Variants in DKK2 observed in about 807,000 individuals in gnomAD.
DKK2 encodes dickkopf Wnt signaling pathway inhibitor 2.
Under a neutral mutation model 28.1 loss-of-function variants are expected in DKK2, and 11 were observed. The ratio of observed to expected loss-of-function variants is 0.39; its 90% CI spans 0.25 to 0.65. The LOEUF (loss-of-function observed/expected upper bound fraction) is 0.65. DKK2 is among the 30% of genes least tolerant of loss of function. The probability of loss-of-function intolerance (pLI) is 0.47; values close to 1 mark genes in which losing one functional copy is unlikely to be tolerated. For missense variants in DKK2, 326 were observed against 335.5 expected (o/e 0.97, Z 0.22); for synonymous variants, 135 against 126.5 (o/e 1.07, Z -0.45).
intron 2 of DKK2, 103 bp from the exon 3 acceptor site, chr4:106,924,803 G>A: frequency 1.8e-6 from 2 of 1,141,804 alleles, no homozygotes; most frequent in East Asian, 2.5e-5. Flanking sequence ...TTATCTATCT[G>A]TGTATCTATC....
intron 1 of DKK2, among the ~76,000 whole-genome samples, chr4:106,940,155 C>G (rs1440510595): frequency 6.6e-6 from 1 of 152,136 alleles, no homozygotes; most frequent in African/African-American, 2.4e-5. Flanking sequence ...AAGAAACTAC[C>G]ATCAGAGTGA....
intron 1 of DKK2, among the ~76,000 whole-genome samples, chr4:106,953,254 T>G (rs941093137): frequency 2.0e-5 from 3 of 152,184 alleles, no homozygotes; most frequent in Non-Finnish European, 4.4e-5. Flanking sequence ...GCAACCAGCA[T>G]TGAGTGCTGG....
At position 106,964,111 on chromosome 4, in the gene DKK2, C is replaced by T. The variant is rs375235833; in HGVS notation, c.223-38162G>A. On this transcript the variant is annotated intron_variant, in intron 1 of 3. Coordinates refer to ENST00000285311, the MANE Select transcript of DKK2 (RefSeq NM_014421.3). ...AAGTCAGGTAATGTGATGCCTCCAG[C>T]TTTGTTCTTTTGTTCACTGGAATAT... is the stretch of plus-strand genomic sequence containing the variant. Among the ~76,000 whole-genome samples, 122 of 152,234 alleles carry T rather than the reference C, an allele frequency of 8.0e-4. 3 individuals are homozygous for T. The South Asian group carries it at 0.024, about 30-fold the overall frequency.
At chr4:106,972,320 T>C (rs574655711) in intron 1 of DKK2, among the ~76,000 whole-genome samples, 1 of 152,022 alleles carries the variant, frequency 6.6e-6, no homozygotes, top group African/African-American at 2.4e-5. Context: ...ATTTATTACC[T>C]AGATAGACTT....
At chr4:106,983,272 CAGAG>C (rs1333622954) in intron 1 of DKK2, among the ~76,000 whole-genome samples, 1 of 119,910 alleles carries the variant, frequency 8.3e-6, no homozygotes, top group Non-Finnish European at 1.7e-5. Context: ...TCTAATATTA[CAGAG>C]AGAAAGAGAG....
At chr4:107,019,163 CA>C (rs982322559) in intron 1 of DKK2, among the ~76,000 whole-genome samples, 1 of 151,884 alleles carries the variant, frequency 6.6e-6, no homozygotes, top group African/African-American at 2.4e-5. Flanking sequence ...CCTCCTAAAA[CA>C]AAACAAAATA....
At chr4:106,948,719 T>C (rs1724814479) in intron 1 of DKK2, among the ~76,000 whole-genome samples, 1 of 152,212 alleles carries the variant, frequency 6.6e-6, no homozygotes, top group South Asian at 2.1e-4. Context: ...ATCGTGGGTC[T>C]GGCACAGTGC....
chr4:106,955,298 C>T (rs1011426261), intron 1 of DKK2, among the ~76,000 whole-genome samples: 1 of 152,126 alleles, frequency 6.6e-6, no homozygotes, highest in African/African-American at 2.4e-5. Flanking sequence ...TTTTCTACCC[C>T]TTCTTTAGAA....
rs1402357158 is a variant in DKK2 at position 106,957,581 on chromosome 4, T to G, written c.223-31632A>C. On this transcript the variant is annotated intron_variant, in intron 1 of 3. Coordinates refer to ENST00000285311, the MANE Select transcript of DKK2 (RefSeq NM_014421.3). ...TGGAATACTATGCAGCCATAAAAAA[T>G]GATGAGTTCATGTCCTTTGTAAGGA... 1.1e-4 allele frequency among the ~76,000 whole-genome samples: 16 copies of G among 151,628 alleles called. No homozygotes were observed. The Middle Eastern group carries it at 0.021, about 195-fold the overall frequency.
At chr4:106,982,824 A>G (rs991388781) in intron 1 of DKK2, among the ~76,000 whole-genome samples, 1 of 151,126 alleles carries the variant, frequency 6.6e-6, no homozygotes, top group African/African-American at 2.4e-5. Context: ...GGATTGTTTG[A>G]GTCCAGAGTT....
chr4:106,983,368 G>GAAAGAAAGAAAGAAGA (rs35298593), intron 1 of DKK2, among the ~76,000 whole-genome samples: 1 of 92,732 alleles, frequency 1.1e-5, no homozygotes, highest in East Asian at 2.4e-4. Context: ...AAGAAAGAAA[G>GAAAGAAAGAAAGAAGA]AAGAAAGAAA....
intron 1 of DKK2, among the ~76,000 whole-genome samples, chr4:106,940,835 CATT>C (rs746005630): frequency 6.7e-4 from 102 of 152,270 alleles, no homozygotes; most frequent in Non-Finnish European, 1.2e-3. Flanking sequence ...TGGAAATCAT[CATT>C]GTCAGTAAAC....
At chr4:106,958,068 T>G (rs1211775512) in intron 1 of DKK2, among the ~76,000 whole-genome samples, 2 of 150,756 alleles carry the variant, frequency 1.3e-5, no homozygotes, top group African/African-American at 4.9e-5. Context: ...TTTCAAAACT[T>G]TTTTTGCAGT....
intron 1 of DKK2, among the ~76,000 whole-genome samples, chr4:107,025,285 G>C (rs13136310): frequency 6.6e-6 from 1 of 151,914 alleles, no homozygotes; most frequent in Admixed American, 6.6e-5. Flanking sequence ...TAGTCTAATG[G>C]GTCGGTGGTA....
At position 106,924,316 on chromosome 4, in the gene DKK2, T is replaced by C. The variant is rs370458119; in HGVS notation, c.530-112A>G. The C allele has an allele frequency of 1.9e-4, 270 of 1,406,732 alleles. 1 individual carries two copies. The African/African-American group carries it at 3.2e-3, about 17-fold the overall frequency. The allele number at this position is 1,406,732 out of a possible 1,614,324, so 87.1% of individuals were successfully genotyped here. A position where few individuals can be genotyped will look rare whatever the true frequency, so the allele number is the denominator to read the frequency against. ...TTACTTATACTATCTTCTATGTTGT[T>C]ACCATTTATAATGAAAAGTCTTGGT... On this transcript the variant is annotated intron_variant, in intron 3 of 3. Transcript: ENST00000285311.
At chr4:106,929,324 C>T (rs1233494018) in intron 1 of DKK2, among the ~76,000 whole-genome samples, 2 of 152,088 alleles carry the variant, frequency 1.3e-5, no homozygotes, top group African/African-American at 2.4e-5. Context: ...GTCTGAGGAA[C>T]AATGATTGTG....
At chr4:107,002,724 G>A (rs1723377366) in intron 1 of DKK2, among the ~76,000 whole-genome samples, 1 of 152,144 alleles carries the variant, frequency 6.6e-6, no homozygotes, top group South Asian at 2.1e-4. Context: ...GGATTTCTGG[G>A]TCTACTCCTT....
Position 107,035,369 on chromosome 4 carries a change from C to T in DKK2, c.222+1G>A. On this transcript the variant is annotated splice_donor_variant, in intron 1 of 3. Coordinates refer to ENST00000285311, the MANE Select transcript of DKK2 (RefSeq NM_014421.3). LOFTEE classifies it high-confidence loss of function. ...AAGAATGTGTTTGGGGGTTTTCCTA[C>T]CTGCCCCAGGTTTTTGCCCTTCTTA... 6.2e-7 allele frequency: 1 copy of T among 1,614,094 alleles called. No homozygotes were observed. Among genetic ancestry groups the T allele is most frequent in the South Asian group, 1.1e-5 (1 of 91,086 alleles).
At chr4:106,924,876 G>T (rs1724404314) in intron 2 of DKK2, among the ~76,000 whole-genome samples, 176 bp from the exon 3 acceptor site, 1 of 152,106 alleles carries the variant, frequency 6.6e-6, no homozygotes. Flanking sequence ...TGGCCCTAAA[G>T]TGAAACTTCT....
Sources: gnomAD v4.1 joint callset for allele counts (sites outside exome capture counted in the v4.1 genomes callset) on GRCh38, gnomAD v4.1.1 for gene constraint, MANE v1.5 for transcripts, NCBI Gene and HGNC (gene_info 2026-07-23, HGNC 2026-07-21) for gene names.